The following STON1 variants were observed in gnomAD, a reference collection of about 807,000 sequenced individuals.
The protein encoded by STON1 is stonin-1.
Under a neutral mutation model 60.9 loss-of-function variants are expected in STON1, and 79 were observed. The observed-to-expected ratio is 1.30, with a 90% CI of 1.08 to 1.56. The LOEUF is 1.56. Ranked by LOEUF, STON1 falls within the 40% of genes most tolerant of loss-of-function variation. The pLI, the probability that STON1 is intolerant of heterozygous loss-of-function variation, is 0.00. For missense variants in STON1, 1,166 were observed against 858.9 expected, an observed-to-expected ratio of 1.36 and a Z score of -4.47; for synonymous variants, 363 against 306.9, an observed-to-expected ratio of 1.18 and a Z score of -1.91.
chr2:48,549,078 A>G (rs4953592), intron 1 of STON1, among the ~76,000 whole-genome samples: 27,542 of 152,110 alleles, frequency 0.18, 2,923 homozygotes, highest in East Asian at 0.47. Flanking sequence ...GCATTTGCTA[A>G]TAGCACTGGA....
At chr2:48,541,729 C>CA (rs1197078255) in intron 1 of STON1, among the ~76,000 whole-genome samples, 3 of 133,920 alleles carry the variant, frequency 2.2e-5, no homozygotes, top group Admixed American at 7.5e-5. Flanking sequence ...AAAAACCACA[C>CA]AAAAAAACAG....
At position 48,597,921 on chromosome 2, in the gene STON1, C is replaced by G. The variant is rs1046782300; in HGVS notation, c.*2619C>G. The G allele has an allele frequency of 2.1e-4, 32 of 152,114 alleles. No individual in the cohort carries two copies. The highest frequency in any genetic ancestry group is 7.2e-4 in the African/African-American group (30 of 41,506). 9.4% of individuals were successfully genotyped at this position (152,114 alleles called of 1,614,324 possible). A position where few individuals can be genotyped will look rare whatever the true frequency, so the allele number is the denominator to read the frequency against. Reference sequence around the variant, plus strand: ...GCCGGAATAGTGATCTTCAAAAAACCCTTGCTTTTAGGGGAGGGAAGCGGG... The same window carrying G: ...GCCGGAATAGTGATCTTCAAAAAACGCTTGCTTTTAGGGGAGGGAAGCGGG... On this transcript the variant is annotated 3_prime_UTR_variant, in exon 4 of 4. Coordinates refer to ENST00000404752, the MANE Select transcript of STON1 (RefSeq NM_006873.4).
chr2:48,535,951 G>A (rs1480260332), intron 1 of STON1, among the ~76,000 whole-genome samples: 1 of 152,142 alleles, frequency 6.6e-6, no homozygotes, highest in African/African-American at 2.4e-5. Flanking sequence ...AGCTGGGCAT[G>A]GTGGTGTGCC....
At chr2:48,583,279 G>A (rs375629540) in intron 2 of STON1, among the ~76,000 whole-genome samples, 5 of 152,040 alleles carry the variant, frequency 3.3e-5, no homozygotes, top group African/African-American at 1.2e-4. Flanking sequence ...AGTAGAGACG[G>A]GGTCTCCCTA....
At chr2:48,538,356 AG>A (rs1671514856) in intron 1 of STON1, among the ~76,000 whole-genome samples, 1 of 152,178 alleles carries the variant, frequency 6.6e-6, no homozygotes, top group African/African-American at 2.4e-5. Flanking sequence ...CCACTTATAA[AG>A]GGCATATGGG....
At chr2:48,554,252 C>G (rs112504288) in intron 1 of STON1, among the ~76,000 whole-genome samples, 85 of 152,212 alleles carry the variant, frequency 5.6e-4, no homozygotes, top group African/African-American at 1.9e-3. Flanking sequence ...GACAGAGTCT[C>G]TCTTTGTCGC....
At position 48,580,857 on chromosome 2, in the gene STON1, C is replaced by T. The variant is rs759499287; in HGVS notation, c.224C>T (p.Pro75Leu). The change falls in exon 2 of 4, where the codon CCT becomes CTT. Residue 75 changes from proline to leucine, a missense_variant. Transcript: ENST00000404752. ...PIVDFYFSPG[P>L]PSNSPLSTPT... is the part of the protein sequence containing the mutation. ...GTAGATTTTTATTTCAGTCCAGGAC[C>T]TCCAAGTAACTCTCCTCTTTCTACA... is the stretch of plus-strand genomic sequence containing the variant. 6 of 1,562,704 alleles carry T rather than the reference C, an allele frequency of 3.8e-6. No homozygotes were observed. The Admixed American group carries it at 9.9e-5, about 26-fold the overall frequency.
At chr2:48,555,391 G>A (rs1672297555) in intron 1 of STON1, among the ~76,000 whole-genome samples, 1 of 60,396 alleles carries the variant, frequency 1.7e-5, no homozygotes, top group African/African-American at 6.1e-5. Flanking sequence ...TCCCAGTAGG[G>A]GCGGCCGGGC....
chr2:48,543,761 G>A (rs1399998795), intron 1 of STON1, among the ~76,000 whole-genome samples: 3 of 151,656 alleles, frequency 2.0e-5, no homozygotes, highest in African/African-American at 7.3e-5. Context: ...TGAACTCCTA[G>A]CCTCAGGTGA....
rs1673236863 is a variant in STON1 at position 48,572,047 on chromosome 2, C to G, written c.-47-8540C>G. 2.0e-5 allele frequency among the ~76,000 whole-genome samples: 3 copies of G among 152,186 alleles called. No homozygotes were observed. In the South Asian group the frequency reaches 6.2e-4, roughly 32 times the overall value. Reference sequence around the variant, plus strand: ...GCATGGTGGTGGGCGCCTGTAATCCCAGCTACTCGGGAGGCTGAGGCAGGA... The same window carrying G: ...GCATGGTGGTGGGCGCCTGTAATCCGAGCTACTCGGGAGGCTGAGGCAGGA... On this transcript the variant is annotated intron_variant, in intron 1 of 3. Coordinates refer to ENST00000404752, the MANE Select transcript of STON1 (RefSeq NM_006873.4).
At chr2:48,576,778 G>A (rs1673531164) in intron 1 of STON1, among the ~76,000 whole-genome samples, 1 of 151,866 alleles carries the variant, frequency 6.6e-6, no homozygotes, top group South Asian at 2.1e-4. Context: ...TTTGCAGGCC[G>A]GGCGCGGTGG....
chr2:48,557,021 G>A lies in STON1; in HGVS notation c.-47-23566G>A, dbSNP rs1243125093. Among the ~76,000 whole-genome samples the A allele has an allele frequency of 1.1e-4, 10 of 93,206 alleles. 1 individual carries two copies. The highest frequency in any genetic ancestry group is 5.2e-3 in the Middle Eastern group (1 of 192). 61.1% of individuals were successfully genotyped at this position (93,206 alleles called of 152,430 possible). A position where few individuals can be genotyped will look rare whatever the true frequency, so the allele number is the denominator to read the frequency against. On this transcript the variant is annotated intron_variant, in intron 1 of 3. Coordinates refer to ENST00000404752, the MANE Select transcript of STON1 (RefSeq NM_006873.4). The stretch of plus-strand genomic sequence containing the variant: ...GACGGCACGGCTGCCCGGGCGGGGG[G>A]GCTGACCCCCCACCTCCCTCCCGGA...
At chr2:48,536,652 G>A (rs553061933) in intron 1 of STON1, among the ~76,000 whole-genome samples, 108 of 151,728 alleles carry the variant, frequency 7.1e-4, no homozygotes, top group African/African-American at 2.5e-3. Context: ...AGAATTTCTG[G>A]GCCATCTTGG....
chr2:48,552,789 T>C (rs1367401002), intron 1 of STON1, among the ~76,000 whole-genome samples: 1 of 151,964 alleles, frequency 6.6e-6, no homozygotes, highest in African/African-American at 2.4e-5. Context: ...ATAATAATAA[T>C]AACTAAATAA....
At chr2:48,562,051 G>T (rs1175808670) in intron 1 of STON1, among the ~76,000 whole-genome samples, 1 of 152,030 alleles carries the variant, frequency 6.6e-6, no homozygotes, top group African/African-American at 2.4e-5. Context: ...AGTAGAAACG[G>T]GGTTCTACCA....
chr2:48,552,164 C>T (rs1371045703), intron 1 of STON1, among the ~76,000 whole-genome samples: 1 of 152,170 alleles, frequency 6.6e-6, no homozygotes, highest in African/African-American at 2.4e-5. Context: ...ATTATTCAGC[C>T]TTAAAAAGGA....
chr2:48,594,822 A>T (rs555703829), intron 3 of STON1, among the ~76,000 whole-genome samples: 2 of 152,296 alleles, frequency 1.3e-5, no homozygotes, highest in African/African-American at 4.8e-5. Flanking sequence ...TTTCAATTAG[A>T]TAATTTTGGG....
intron 1 of STON1, among the ~76,000 whole-genome samples, chr2:48,547,133 C>G (rs1172860154): frequency 6.6e-6 from 1 of 152,172 alleles, no homozygotes; most frequent in Non-Finnish European, 1.5e-5. Flanking sequence ...GATTAGAGCT[C>G]ATGTTTATCT....
At chr2:48,552,161 A>G (rs1170419664) in intron 1 of STON1, among the ~76,000 whole-genome samples, 5 of 152,256 alleles carry the variant, frequency 3.3e-5, no homozygotes, top group African/African-American at 1.2e-4. Flanking sequence ...AATATTATTC[A>G]GCCTTAAAAA....
Sources: gnomAD v4.1 joint callset for allele counts (sites outside exome capture counted in the v4.1 genomes callset) on GRCh38, gnomAD v4.1.1 for gene constraint, MANE v1.5 for transcripts, NCBI Gene and HGNC (gene_info 2026-07-23, HGNC 2026-07-21) for gene names.